Variants in ARPC2 observed in about 807,000 individuals in gnomAD.
ARPC2 encodes the protein actin related protein 2/3 complex subunit 2.
Under a neutral mutation model 38.6 loss-of-function variants are expected in ARPC2, and 4 were observed. The ratio of observed to expected loss-of-function variants is 0.10; its 90% CI spans 0.05 to 0.24. The LOEUF (loss-of-function observed/expected upper bound fraction) is 0.24. Among genes scored for constraint, ARPC2 ranks in the 10% least tolerant of loss-of-function variants. The pLI is 1.00. For synonymous variants in ARPC2, 125 were observed against 140.8 expected, an observed-to-expected ratio of 0.89 and a Z score of 0.79; for missense variants, 229 against 387.3, an observed-to-expected ratio of 0.59 and a Z score of 3.43.
At chr2:218,232,700 G>C (rs926421411) in intron 4 of ARPC2, among the ~76,000 whole-genome samples, 3 of 151,894 alleles carry the variant, frequency 2.0e-5, no homozygotes, top group African/African-American at 7.3e-5. Context: ...CTCCCAAGTA[G>C]CTGGTACTAC....
At chr2:218,244,152 A>G (rs1689977181) in intron 7 of ARPC2, among the ~76,000 whole-genome samples, 1 of 152,160 alleles carries the variant, frequency 6.6e-6, no homozygotes, top group Non-Finnish European at 1.5e-5. Flanking sequence ...CTTTTTGGAT[A>G]TTTTTCCTTC....
At chr2:218,236,885 G>T (rs543076459) in intron 5 of ARPC2, among the ~76,000 whole-genome samples, 1 of 152,256 alleles carries the variant, frequency 6.6e-6, no homozygotes, top group African/African-American at 2.4e-5. Context: ...AAGCCATACA[G>T]TTCTGGTGAA....
intron 2 of ARPC2, among the ~76,000 whole-genome samples, chr2:218,224,063 A>G (rs1689441300): frequency 1.3e-5 from 2 of 152,198 alleles, no homozygotes; most frequent in Admixed American, 6.6e-5. Context: ...CTAGCCATAA[A>G]TAGTAAACTA....
At chr2:218,230,941 T>A (rs939368576) in intron 4 of ARPC2, among the ~76,000 whole-genome samples, 1 of 152,204 alleles carries the variant, frequency 6.6e-6, no homozygotes, top group Admixed American at 6.5e-5. Flanking sequence ...CATTCTGTGC[T>A]TTTCTTACGA....
intron 2 of ARPC2, among the ~76,000 whole-genome samples, chr2:218,219,848 A>G (rs1196584369): frequency 6.6e-6 from 1 of 151,858 alleles, no homozygotes; most frequent in Non-Finnish European, 1.5e-5. Flanking sequence ...TTTAAAAAAA[A>G]AGAGACCATG....
At position 218,217,518 on chromosome 2, in the gene ARPC2, G is replaced by C; in HGVS notation, c.48G>C (p.Ala16=). Residue 16 remains alanine, a synonymous_variant, in exon 2 of 11, where the codon GCG becomes GCC. Coordinates refer to ENST00000315717, the MANE Select transcript of ARPC2 (RefSeq NM_152862.3). ...ACCGCATCATCGAGGAGACGCTCGC[G>C]CTCAAGTTCGAGAACGCGGCCGCCG... The part of the protein sequence containing the change: ...VNNRIIEETL[A]LKFENAAAGN... The C allele has an allele frequency of 1.9e-6, 3 of 1,613,698 alleles. No individual in the cohort carries two copies. Among genetic ancestry groups the C allele is most frequent in the Non-Finnish European group, 2.5e-6 (3 of 1,179,832 alleles).
intron 8 of ARPC2, 70 bp from the exon 9 acceptor site, chr2:218,249,294 C>A: frequency 9.8e-7 from 1 of 1,025,498 alleles, no homozygotes; most frequent in Non-Finnish European, 1.5e-6. Flanking sequence ...GTTCACTAGG[C>A]TGTTGTTCTT....
chr2:218,227,570 A>G (rs1198404992), intron 3 of ARPC2, among the ~76,000 whole-genome samples: 2 of 149,356 alleles, frequency 1.3e-5, no homozygotes, highest in Non-Finnish European at 3.0e-5. Flanking sequence ...GGGACTACAG[A>G]TCTCCACCAC....
At chr2:218,227,966 G>A (rs1294412910) in intron 3 of ARPC2, among the ~76,000 whole-genome samples, 1 of 152,138 alleles carries the variant, frequency 6.6e-6, no homozygotes, top group African/African-American at 2.4e-5. Context: ...TCATGGTTAT[G>A]TTTTTTAACA....
At position 218,245,556 on chromosome 2, in the gene ARPC2, G is replaced by T; in HGVS notation, c.676+10G>T. On this transcript the variant is annotated intron_variant, in intron 8 of 10. Transcript: ENST00000315717. ...GGCTACATTACCTTTGGTGAGCAGG[G>T]TGCACTTGCTGCTTTTGTGCCGCTT... The T allele has an allele frequency of 1.2e-6, 2 of 1,613,982 alleles. No homozygotes were observed. The highest frequency in any genetic ancestry group is 3.3e-4 in the Middle Eastern group (2 of 6,060).
rs761016865 is a variant in ARPC2 at position 218,249,354 on chromosome 2, C to G, written c.677-10C>G. 2 of 1,601,992 alleles carry G rather than the reference C, an allele frequency of 1.2e-6. No homozygotes were observed. Among genetic ancestry groups the G allele is most frequent in the South Asian group, 1.1e-5 (1 of 90,356 alleles). On this transcript the variant is annotated splice_polypyrimidine_tract_variant and intron_variant, in intron 8 of 10. Coordinates refer to ENST00000315717, the MANE Select transcript of ARPC2 (RefSeq NM_152862.3). Reference sequence around the variant, plus strand: ...TGTCCTGACGCCTTGTTTGTGTCTTCCGCCTTCAGTGCTGTTCCCTCGTCA... The same window carrying G: ...TGTCCTGACGCCTTGTTTGTGTCTTGCGCCTTCAGTGCTGTTCCCTCGTCA...
chr2:218,230,070 A>G (rs1185314649), intron 4 of ARPC2, among the ~76,000 whole-genome samples: 1 of 151,824 alleles, frequency 6.6e-6, no homozygotes, highest in Non-Finnish European at 1.5e-5. Context: ...TCCTGGGTTC[A>G]AGCAGTTCAT....
intron 5 of ARPC2, chr2:218,236,514 C>T (rs1357961576): frequency 6.6e-6 from 1 of 151,892 alleles, no homozygotes; most frequent in Non-Finnish European, 1.5e-5. Context: ...AGACCTCAGC[C>T]GGGCGCGGTG....
In ARPC2 at chr2:218,252,007, G is replaced by T. The variant is rs546957673; in HGVS notation, c.879-1884G>T. 8.5e-5 allele frequency among the ~76,000 whole-genome samples: 13 copies of T among 152,264 alleles called. No homozygotes were observed. The South Asian group carries it at 2.7e-3, about 32-fold the overall frequency. ...AGGCCGAGGCAGGCGGATCACCTGA[G>T]GTCAGGAGTTGGAGACCTCCAGCCT... On this transcript the variant is annotated intron_variant, in intron 10 of 10. Transcript: ENST00000315717.
rs148357359 is a variant in ARPC2, at chr2:218,244,619, G to A, written c.550-801G>A. ...TTGTAGAAAAGACATGGCAGCTCCAGCAAGAGAGCAGTACCTGCCTGGGTT... is the reference window on the plus strand; with the variant it reads ...TTGTAGAAAAGACATGGCAGCTCCAACAAGAGAGCAGTACCTGCCTGGGTT... On this transcript the variant is annotated intron_variant, in intron 7 of 10. Transcript: ENST00000315717. Among the ~76,000 whole-genome samples, 64 of 152,368 alleles carry A rather than the reference G, an allele frequency of 4.2e-4. 2 individuals carry two copies. The South Asian group carries it at 7.0e-3, about 17-fold the overall frequency.
At chr2:218,233,094 C>G (rs1689678568) in intron 4 of ARPC2, 1 of 152,068 alleles carries the variant, frequency 6.6e-6, no homozygotes, top group Non-Finnish European at 1.5e-5. Flanking sequence ...CCTAGAAGTT[C>G]AAGGCTGCAG....
Position 218,254,008 on chromosome 2 carries a change from T to G in ARPC2, c.*93T>G. 6.5e-7 allele frequency: 1 copy of G among 1,536,402 alleles called. No individual in the cohort carries two copies. Among genetic ancestry groups the G allele is most frequent in the Non-Finnish European group, 8.9e-7 (1 of 1,117,866 alleles). ...GCTTTTAATGTTGCGCCTCTTCAGG[T>G]TCTTAAGGGATTCTCCGTTTTGGTT... On this transcript the variant is annotated 3_prime_UTR_variant, in exon 11 of 11. Transcript: ENST00000315717.
At chr2:218,233,852 A>G (rs1689702295) in intron 4 of ARPC2, 1 of 153,018 alleles carries the variant, frequency 6.5e-6, no homozygotes, top group Non-Finnish European at 1.5e-5. Flanking sequence ...GTCAAGTCCT[A>G]AAAAAGGATG....
intron 7 of ARPC2, among the ~76,000 whole-genome samples, chr2:218,241,650 G>C (rs963727858): frequency 6.6e-6 from 1 of 152,248 alleles, no homozygotes; most frequent in African/African-American, 2.4e-5. Context: ...ATCTTGGAGA[G>C]TGTACCGGAG....
Sources: gnomAD v4.1 joint callset for allele counts (sites outside exome capture counted in the v4.1 genomes callset) on GRCh38, gnomAD v4.1.1 for gene constraint, MANE v1.5 for transcripts, NCBI Gene and HGNC (gene_info 2026-07-23, HGNC 2026-07-21) for gene names.